The following NSL1 variants were observed in gnomAD, a reference collection of about 807,000 sequenced individuals.
NSL1 encodes NSL1 component of MIS12 kinetochore complex.
In NSL1, 11 loss-of-function variants were observed where a neutral mutation model predicts 25.4. The ratio of observed to expected loss-of-function variants is 0.43; its 90% CI spans 0.27 to 0.72. The LOEUF (loss-of-function observed/expected upper bound fraction) is 0.72, where lower values mean the gene tolerates loss of function less well. Among genes scored for constraint, NSL1 ranks in the 30% least tolerant of loss-of-function variants. The pLI is 0.19. For synonymous variants in NSL1, 118 were observed against 120.6 expected (o/e 0.98, Z 0.14); for missense variants, 330 against 342.7 (o/e 0.96, Z 0.29).
chr1:212,753,021 A>G (rs1659138997), intron 4 of NSL1, among the ~76,000 whole-genome samples: 1 of 152,242 alleles, frequency 6.6e-6, no homozygotes, highest in African/African-American at 2.4e-5. Context: ...TTAAGCCATT[A>G]GAACCAAGAA....
intron 4 of NSL1, among the ~76,000 whole-genome samples, chr1:212,764,843 C>CAAAAAAAA (rs3086471): frequency 6.3e-3 from 244 of 38,840 alleles, no homozygotes; most frequent in African/African-American, 7.3e-3. Flanking sequence ...AAGACTGTCT[C>CAAAAAAAA]AAAAAAAAAA....
At chr1:212,778,634 C>T (rs1358326899) in intron 4 of NSL1, among the ~76,000 whole-genome samples, 9 of 152,100 alleles carry the variant, frequency 5.9e-5, no homozygotes, top group African/African-American at 9.7e-5. Flanking sequence ...CTCCTAACCG[C>T]GAGTGATCTG....
intron 4 of NSL1, among the ~76,000 whole-genome samples, chr1:212,777,056 A>G (rs1660405075): frequency 6.6e-6 from 1 of 151,410 alleles, no homozygotes; most frequent in Admixed American, 6.6e-5. Flanking sequence ...CTCTCTGAAA[A>G]GACTAAAAAA....
chr1:212,762,323 A>G (rs1370768580), intron 4 of NSL1, among the ~76,000 whole-genome samples: 2 of 151,516 alleles, frequency 1.3e-5, no homozygotes, highest in Non-Finnish European at 2.9e-5. Flanking sequence ...AAAAAAAAAA[A>G]AAAGAAAAGA....
At chr1:212,755,186 C>T (rs1659246396) in intron 4 of NSL1, among the ~76,000 whole-genome samples, 1 of 151,988 alleles carries the variant, frequency 6.6e-6, no homozygotes, top group Non-Finnish European at 1.5e-5. Flanking sequence ...ATAAAAATGA[C>T]TTTAAAATGC....
chr1:212,746,943 G>A (rs1409192590), intron 4 of NSL1, among the ~76,000 whole-genome samples: 2 of 152,252 alleles, frequency 1.3e-5, no homozygotes, highest in East Asian at 1.9e-4. Context: ...CCAGAAGTTC[G>A]AGACCAGCCT....
Position 212,735,342 on chromosome 1 carries a change from T to A in NSL1, c.*3066A>T. ...TGTCCAACTGTATGTGTTGAACAGA[T>A]GAATAAATGAATGAAGGTGGATAGA... is the stretch of plus-strand genomic sequence containing the variant. On this transcript the variant is annotated 3_prime_UTR_variant, in exon 6 of 6. Coordinates refer to ENST00000366977, the MANE Select transcript of NSL1 (RefSeq NM_015471.4). 1 of 985,270 alleles carries A rather than the reference T, an allele frequency of 1.0e-6. No homozygotes were observed. The highest frequency in any genetic ancestry group is 1.1e-4 in the East Asian group (1 of 8,826). The allele number at this position is 985,270 out of a possible 1,614,324, so 61.0% of individuals were successfully genotyped here. A position where few individuals can be genotyped will look rare whatever the true frequency, so the allele number is the denominator to read the frequency against.
At chr1:212,771,749 C>T (rs536462154) in intron 4 of NSL1, among the ~76,000 whole-genome samples, 14 of 151,942 alleles carry the variant, frequency 9.2e-5, no homozygotes, top group Non-Finnish European at 7.4e-5. Context: ...AGAAGTCAAT[C>T]CCATTTATAA....
chr1:212,754,434 C>A (rs1168014106), intron 4 of NSL1, among the ~76,000 whole-genome samples: 3 of 151,984 alleles, frequency 2.0e-5, no homozygotes, highest in Non-Finnish European at 4.4e-5. Context: ...TGTTTGAAAC[C>A]GAGGGCTGAG....
chr1:212,780,283 G>A (rs552083413), intron 4 of NSL1, among the ~76,000 whole-genome samples: 2 of 152,060 alleles, frequency 1.3e-5, no homozygotes, highest in Non-Finnish European at 2.9e-5. Context: ...GATGTGCTTT[G>A]TTAAACAGAT....
At position 212,727,179 on chromosome 1, in the gene NSL1, C is replaced by A; in HGVS notation, c.*11229G>T. ...TAGAGCTAGTCCACCAGGCTTGGCT[C>A]CTAATGTGTTAAATGGGGGTGAATG... On this transcript the variant is annotated 3_prime_UTR_variant, in exon 6 of 6. Coordinates refer to ENST00000366977, the MANE Select transcript of NSL1 (RefSeq NM_015471.4). 2 of 1,561,778 alleles carry A rather than the reference C, an allele frequency of 1.3e-6. No homozygotes were observed. Among genetic ancestry groups the A allele is most frequent in the South Asian group, 1.2e-5 (1 of 83,864 alleles).
Position 212,727,902 on chromosome 1 carries a change from A to C in NSL1, c.*10506T>G, listed in dbSNP as rs1223579631. The C allele has an allele frequency of 1.3e-5, 13 of 985,334 alleles. No homozygotes were observed. Among genetic ancestry groups the C allele is most frequent in the African/African-American group, 1.7e-5 (1 of 57,248 alleles). The allele number at this position is 985,334 out of a possible 1,614,324, so 61.0% of individuals were successfully genotyped here. A position where few individuals can be genotyped will look rare whatever the true frequency, so the allele number is the denominator to read the frequency against. On this transcript the variant is annotated 3_prime_UTR_variant, in exon 6 of 6. Transcript: ENST00000366977. ...CTCTGTTGCTATGTGTCATTGAAAAAAAATGAGAAGAACCAACGAGGTCGC... is the reference window on the plus strand; with the variant it reads ...CTCTGTTGCTATGTGTCATTGAAAACAAATGAGAAGAACCAACGAGGTCGC...
chr1:212,756,363 G>A (rs1659308850), intron 4 of NSL1, among the ~76,000 whole-genome samples: 2 of 152,114 alleles, frequency 1.3e-5, no homozygotes, highest in Non-Finnish European at 1.5e-5. Flanking sequence ...CAAGCGATCA[G>A]CTTCCCAAAG....
In NSL1 at chr1:212,752,833, C is replaced by G. The variant is rs1249616493; in HGVS notation, c.500-13232G>C. 3.3e-5 allele frequency among the ~76,000 whole-genome samples: 5 copies of G among 151,076 alleles called. No homozygotes were observed. The East Asian group carries it at 9.7e-4, about 29-fold the overall frequency. On this transcript the variant is annotated intron_variant, in intron 4 of 5. Coordinates refer to ENST00000366977, the MANE Select transcript of NSL1 (RefSeq NM_015471.4). ...CTAGTTTTGCTTTCAGGTCACTGTA[C>G]TGACTAAACTAGGAAACATGAACTT...
chr1:212,779,360 C>G, intron 4 of NSL1, among the ~76,000 whole-genome samples: 1 of 138,742 alleles, frequency 7.2e-6, no homozygotes, highest in South Asian at 2.3e-4. Flanking sequence ...CCCGGCCAGC[C>G]GCCCCATCTC....
intron 4 of NSL1, among the ~76,000 whole-genome samples, chr1:212,743,654 G>C (rs1055190819): frequency 2.0e-5 from 3 of 151,992 alleles, no homozygotes; most frequent in African/African-American, 7.3e-5. Context: ...GGTGGCATAG[G>C]AGATTCCAAA....
Position 212,728,728 on chromosome 1 carries a change from A to C in NSL1, c.*9680T>G, listed in dbSNP as rs556618910. On this transcript the variant is annotated 3_prime_UTR_variant, in exon 6 of 6. Coordinates refer to ENST00000366977, the MANE Select transcript of NSL1 (RefSeq NM_015471.4). ...ATGGAACACCTTCACAGACAACATC[A>C]GGGATAAACCTGATCACCGTCCCCT... is the stretch of plus-strand genomic sequence containing the variant. 1.0e-6 allele frequency: 1 copy of C among 985,452 alleles called. No homozygotes were observed. The highest frequency in any genetic ancestry group is 1.7e-5 in the African/African-American group (1 of 57,364). 61.0% of individuals were successfully genotyped at this position (985,452 alleles called of 1,614,324 possible). A position where few individuals can be genotyped will look rare whatever the true frequency, so the allele number is the denominator to read the frequency against.
At chr1:212,787,096 G>T (rs1342840700) in intron 2 of NSL1, among the ~76,000 whole-genome samples, 1 of 151,708 alleles carries the variant, frequency 6.6e-6, no homozygotes, top group Non-Finnish European at 1.5e-5. Flanking sequence ...CTGGGAGACA[G>T]AGGTTGCAGT....
intron 4 of NSL1, among the ~76,000 whole-genome samples, chr1:212,749,855 T>C (rs1255709441): frequency 6.6e-6 from 1 of 151,332 alleles, no homozygotes; most frequent in Non-Finnish European, 1.5e-5. Flanking sequence ...CTAGGCTGAA[T>C]AATTATAAAC....
Sources: allele counts gnomAD v4.1 joint callset (sites outside exome capture counted in the v4.1 genomes callset), GRCh38; gene constraint gnomAD v4.1.1; transcripts MANE v1.5; gene names NCBI Gene and HGNC (gene_info 2026-07-23, HGNC 2026-07-21).